The following TMEM40 variants were observed in gnomAD, a reference collection of about 807,000 sequenced individuals.
TMEM40 encodes transmembrane protein 40.
Under a neutral mutation model 40.8 loss-of-function variants are expected in TMEM40, and 34 were observed. The observed-to-expected ratio is 0.83, with a 90% CI of 0.63 to 1.11. The LOEUF is 1.11. Ranked by LOEUF, TMEM40 falls within the 50% of genes least tolerant of loss-of-function variation. TMEM40 has a pLI of 0.00. For missense variants in TMEM40, 296 were observed against 280.2 expected (o/e 1.06, Z -0.40); for synonymous variants, 106 against 107.0 (o/e 0.99, Z 0.06).
chr3:12,769,085 C>T (rs1028904051), intron 1 of TMEM40, among the ~76,000 whole-genome samples: 5 of 151,906 alleles, frequency 3.3e-5, no homozygotes, highest in Admixed American at 2.0e-4. Flanking sequence ...GGGTACCCGG[C>T]GCACCCTCCA....
chr3:12,768,798 C>T (rs2061606612), intron 1 of TMEM40, among the ~76,000 whole-genome samples: 1 of 152,100 alleles, frequency 6.6e-6, no homozygotes, highest in Admixed American at 6.5e-5. Context: ...CTCCCACAGT[C>T]CTCAGCCCTT....
chr3:12,743,867 G>A, intron 4 of TMEM40, 33 bp downstream of exon 4: 1 of 1,601,538 alleles, frequency 6.2e-7, no homozygotes, highest in Non-Finnish European at 8.5e-7. Context: ...TGAGCGAGTG[G>A]GCAAAAGAAA....
chr3:12,749,184 C>T (rs1158864928), intron 2 of TMEM40, among the ~76,000 whole-genome samples: 1 of 152,040 alleles, frequency 6.6e-6, no homozygotes, highest in Non-Finnish European at 1.5e-5. Context: ...ACCGCCACAC[C>T]CGGCTAATTT....
chr3:12,752,702 G>GAT (rs2061487893), intron 1 of TMEM40, among the ~76,000 whole-genome samples: 8 of 152,020 alleles, frequency 5.3e-5, no homozygotes, highest in Admixed American at 5.2e-4. Flanking sequence ...GGAGGCTGAG[G>GAT]CAGGAGAATC....
At chr3:12,752,612 C>A (rs2061487140) in intron 1 of TMEM40, among the ~76,000 whole-genome samples, 1 of 152,016 alleles carries the variant, frequency 6.6e-6, no homozygotes, top group Non-Finnish European at 1.5e-5. Context: ...TCCTGGCCAA[C>A]ATGGTGAAAC....
chr3:12,763,632 T>C (rs773632683), upstream of TMEM40, among the ~76,000 whole-genome samples: 4 of 152,134 alleles, frequency 2.6e-5, no homozygotes, highest in Non-Finnish European at 5.9e-5. Context: ...GGAGACAAGT[T>C]AGACAGCTCA....
intron 1 of TMEM40, among the ~76,000 whole-genome samples, chr3:12,751,525 G>A (rs113223234): frequency 0.1 from 15,176 of 151,800 alleles, 815 homozygotes; most frequent in Admixed American, 0.13. Context: ...TGATCCGCCC[G>A]CCTTGACCTC....
intron 4 of TMEM40, among the ~76,000 whole-genome samples, chr3:12,743,351 T>C (rs2061397865): frequency 6.6e-6 from 1 of 151,956 alleles, no homozygotes; most frequent in Non-Finnish European, 1.5e-5. Context: ...CCTGTAATCC[T>C]AGCTACTTGG....
chr3:12,742,602 A>G (rs999438474), intron 4 of TMEM40, 95 bp from the exon 5 acceptor site: 126 of 1,445,114 alleles, frequency 8.7e-5, no homozygotes, highest in Middle Eastern at 2.0e-4. Flanking sequence ...GAAGTACCAC[A>G]GTCCTTGTGC....
chr3:12,749,068 A>C (rs1346008808), intron 2 of TMEM40, among the ~76,000 whole-genome samples: 1 of 151,538 alleles, frequency 6.6e-6, no homozygotes, highest in Non-Finnish European at 1.5e-5. Flanking sequence ...TCTTTTGCCC[A>C]GGCTGGACTG....
upstream of TMEM40, among the ~76,000 whole-genome samples, chr3:12,760,600 T>C (rs1307446502): frequency 6.6e-6 from 1 of 152,132 alleles, no homozygotes; most frequent in Non-Finnish European, 1.5e-5. Context: ...CTGCTTAAAG[T>C]AGTAACCCCA....
intron 5 of TMEM40, among the ~76,000 whole-genome samples, chr3:12,740,034 TA>T (rs1229035859): frequency 4.1e-5 from 6 of 147,554 alleles, no homozygotes; most frequent in African/African-American, 1.5e-4. Flanking sequence ...AATTTATATA[TA>T]ATATACTTAT....
chr3:12,767,373 G>C (rs2061598819), intron 1 of TMEM40, among the ~76,000 whole-genome samples: 1 of 152,144 alleles, frequency 6.6e-6, no homozygotes, highest in South Asian at 2.1e-4. Flanking sequence ...GACAACCATG[G>C]TGAGGGCGGG....
intron 11 of TMEM40, 104 bp from the exon 12 acceptor site, chr3:12,734,897 G>T: frequency 7.3e-7 from 1 of 1,364,630 alleles, no homozygotes; most frequent in Non-Finnish European, 1.0e-6. Context: ...CTGGCATGAT[G>T]TAGTCACCCC....
At chr3:12,740,141 T>C (rs2061370151) in intron 5 of TMEM40, among the ~76,000 whole-genome samples, 1 of 150,794 alleles carries the variant, frequency 6.6e-6, no homozygotes, top group South Asian at 2.1e-4. Flanking sequence ...CCACCCAGGC[T>C]GGAGTGCAGC....
intron 3 of TMEM40, among the ~76,000 whole-genome samples, chr3:12,747,597 T>C (rs565476474): frequency 3.9e-5 from 6 of 152,168 alleles, no homozygotes; most frequent in Non-Finnish European, 7.4e-5. Context: ...TGGAGAATAA[T>C]GTGGTTATTT....
chr3:12,742,319 C>T (rs992907883), intron 5 of TMEM40, 135 bp downstream of exon 5: 2 of 956,316 alleles, frequency 2.1e-6, no homozygotes, highest in Admixed American at 4.0e-5. Flanking sequence ...TATAACCACC[C>T]AACTGGCCAC....
intron 4 of TMEM40, 105 bp downstream of exon 4, chr3:12,743,795 A>T: frequency 9.1e-7 from 1 of 1,096,156 alleles, no homozygotes. Flanking sequence ...TTCCTATTTT[A>T]TCCTGCCATA....
At chr3:12,757,011 G>A (rs1239686791) in intron 1 of TMEM40, among the ~76,000 whole-genome samples, 1 of 152,120 alleles carries the variant, frequency 6.6e-6, no homozygotes, top group Admixed American at 6.6e-5. Flanking sequence ...CTGAGACCTG[G>A]AGCGTGTCAC....
Sources: allele counts gnomAD v4.1 joint callset (sites outside exome capture counted in the v4.1 genomes callset), GRCh38; gene constraint gnomAD v4.1.1; transcripts MANE v1.5; gene names NCBI Gene and HGNC (gene_info 2026-07-23, HGNC 2026-07-21).